Variants in DAZL observed in about 807,000 individuals in gnomAD.
DAZL encodes the protein deleted in azoospermia-like.
In DAZL, 4 loss-of-function variants were observed where a neutral mutation model predicts 45.0. That is an observed-to-expected ratio of 0.09 (90% CI 0.04 to 0.20). The LOEUF (loss-of-function observed/expected upper bound fraction) is 0.20, where lower values mean the gene tolerates loss of function less well. DAZL is among the 10% of genes least tolerant of loss of function. DAZL has a pLI of 1.00. For missense variants in DAZL, 326 were observed against 351.3 expected (o/e 0.93, Z 0.58); for synonymous variants, 122 against 112.4 (o/e 1.09, Z -0.54).
At chr3:16,599,243 C>T (rs1205468796) in intron 1 of DAZL, among the ~76,000 whole-genome samples, 1 of 150,950 alleles carries the variant, frequency 6.6e-6, no homozygotes, top group African/African-American at 2.4e-5. Flanking sequence ...AAATTAAAAT[C>T]ATCCTGTTCT....
intron 7 of DAZL, 85 bp downstream of exon 7, chr3:16,595,229 A>T (rs1293257531): frequency 2.6e-6 from 2 of 783,276 alleles, no homozygotes; most frequent in Non-Finnish European, 4.1e-6. Flanking sequence ...GTTTAAAATG[A>T]CAAACCATTC....
chr3:16,592,482 T>C (rs956420902), intron 9 of DAZL, among the ~76,000 whole-genome samples: 3 of 150,810 alleles, frequency 2.0e-5, no homozygotes, highest in African/African-American at 7.3e-5. Context: ...GCAGGGAGAA[T>C]TGCTTGAATC....
At chr3:16,596,222 G>A (rs1443418818) in intron 6 of DAZL, among the ~76,000 whole-genome samples, 4 of 152,034 alleles carry the variant, frequency 2.6e-5, no homozygotes, top group South Asian at 2.1e-4. Flanking sequence ...GTAAGTGATA[G>A]TATGTCAAAT....
At chr3:16,600,919 G>C (rs1225304941) in intron 1 of DAZL, among the ~76,000 whole-genome samples, 3 of 152,302 alleles carry the variant, frequency 2.0e-5, no homozygotes, top group Non-Finnish European at 4.4e-5. Context: ...AACGTTTAGA[G>C]ATTGCTTGTC....
chr3:16,604,736 G>T, intron 1 of DAZL: 1 of 1,362,354 alleles, frequency 7.3e-7, no homozygotes. Context: ...ATCTTGCGGA[G>T]CCACGGGGAG....
intron 10 of DAZL, among the ~76,000 whole-genome samples, chr3:16,591,296 C>G (rs1057382064): frequency 5.3e-5 from 8 of 152,232 alleles, no homozygotes; most frequent in African/African-American, 1.9e-4. Context: ...ACTTTACCAA[C>G]TCTGTCTGAA....
intron 10 of DAZL, among the ~76,000 whole-genome samples, chr3:16,590,129 T>G (rs1010584387): frequency 2.0e-5 from 3 of 152,194 alleles, no homozygotes. Flanking sequence ...TAAGTACTAC[T>G]GTAGACACCT....
intron 10 of DAZL, 66 bp from the exon 11 acceptor site, chr3:16,588,779 A>G: frequency 7.6e-7 from 1 of 1,307,546 alleles, no homozygotes; most frequent in South Asian, 1.2e-5. Context: ...TAGATCTGAA[A>G]GTTGTCAAAA....
intron 1 of DAZL, among the ~76,000 whole-genome samples, chr3:16,604,115 TTTA>T (rs1391495653): frequency 1.3e-5 from 2 of 152,160 alleles, no homozygotes; most frequent in East Asian, 1.9e-4. Flanking sequence ...ATAATAGGTG[TTTA>T]TTTTTATTTT....
rs1694449165 is a variant in DAZL, at chr3:16,587,111, T to C, written c.*1549A>G. The C allele has an allele frequency of 6.6e-6, 1 of 152,296 alleles. No individual in the cohort carries two copies. Among genetic ancestry groups the C allele is most frequent in the East Asian group, 1.9e-4 (1 of 5,190 alleles). 9.4% of individuals were successfully genotyped at this position (152,296 alleles called of 1,614,324 possible). On this transcript the variant is annotated 3_prime_UTR_variant, in exon 11 of 11. Coordinates refer to ENST00000399444, the MANE Select transcript of DAZL (RefSeq NM_001351.4). ...AAAAAAACTACAGATCATTTTTAAA[T>C]GGACAAATTCATAGTGCTTTCAATT...
chr3:16,590,405 T>TCTA (rs71049169), intron 10 of DAZL, among the ~76,000 whole-genome samples: 111,563 of 151,786 alleles, frequency 0.74, 41,351 homozygotes, highest in African/African-American at 0.83. Context: ...AAAAAGCTAG[T>TCTA]CTTTCTGTTT....
chr3:16,592,197 T>G, intron 9 of DAZL, 49 bp from the exon 10 acceptor site: 1 of 1,600,256 alleles, frequency 6.2e-7, no homozygotes, highest in Non-Finnish European at 8.5e-7. Context: ...TTTCACTCAC[T>G]CTTAGTAAGG....
At position 16,603,250 on chromosome 3, in the gene DAZL, G is replaced by A. The variant is rs192952714; in HGVS notation, c.3+1953C>T. ...GTGTAACTTAAAATTGTTACCAAAGGGGTAAAGCGCTTTCACCCAGCAATT... is the reference window on the plus strand; with the variant it reads ...GTGTAACTTAAAATTGTTACCAAAGAGGTAAAGCGCTTTCACCCAGCAATT... On this transcript the variant is annotated intron_variant, in intron 1 of 10. Transcript: ENST00000399444. 6.4e-3 allele frequency among the ~76,000 whole-genome samples: 975 copies of A among 152,214 alleles called. 4 individuals are homozygous for A. The highest frequency in any genetic ancestry group is 0.02 in the Middle Eastern group (6 of 294).
At chr3:16,604,109 T>C (rs1314029445) in intron 1 of DAZL, among the ~76,000 whole-genome samples, 1 of 152,222 alleles carries the variant, frequency 6.6e-6, no homozygotes, top group African/African-American at 2.4e-5. Context: ...TTACACATAA[T>C]AGGTGTTTAT....
rs773710275 is a variant in DAZL at position 16,588,625 on chromosome 3, A to G, written c.*35T>C. On this transcript the variant is annotated 3_prime_UTR_variant, in exon 11 of 11. Coordinates refer to ENST00000399444, the MANE Select transcript of DAZL (RefSeq NM_001351.4). Reference sequence around the variant, plus strand: ...ACCTTTTAGCTTAATATTCAAAACCAGCAACTTCCCATGTAACTAGATAAG... The same window carrying G: ...ACCTTTTAGCTTAATATTCAAAACCGGCAACTTCCCATGTAACTAGATAAG... 4.5e-6 allele frequency: 7 copies of G among 1,561,694 alleles called. No individual in the cohort carries two copies. In the South Asian group the frequency reaches 7.8e-5, roughly 17 times the overall value.
chr3:16,604,521 T>C (rs1254665668), intron 1 of DAZL: 1 of 1,506,340 alleles, frequency 6.6e-7, no homozygotes, highest in East Asian at 2.5e-5. Context: ...CCCCCGCAGC[T>C]GACAGGCGCG....
intron 2 of DAZL, 71 bp from the exon 3 acceptor site, chr3:16,598,249 T>C: frequency 2.1e-6 from 3 of 1,441,506 alleles, no homozygotes; most frequent in African/African-American, 1.4e-5. Flanking sequence ...TAAAAGAAGG[T>C]TCGATGATGT....
intron 1 of DAZL, among the ~76,000 whole-genome samples, chr3:16,601,882 G>A (rs879398461): frequency 2.6e-5 from 4 of 152,132 alleles, no homozygotes; most frequent in Non-Finnish European, 5.9e-5. Context: ...AAATTATTAT[G>A]TAACTCCTGG....
chr3:16,591,832 G>C (rs1377782620), intron 10 of DAZL, among the ~76,000 whole-genome samples: 1 of 152,168 alleles, frequency 6.6e-6, no homozygotes, highest in Non-Finnish European at 1.5e-5. Flanking sequence ...AATTTCTGCT[G>C]AAGGATTCTT....
Sources: allele counts gnomAD v4.1 joint callset (sites outside exome capture counted in the v4.1 genomes callset), GRCh38; gene constraint gnomAD v4.1.1; transcripts MANE v1.5; gene names NCBI Gene and HGNC (gene_info 2026-07-23, HGNC 2026-07-21).